Variants in STK32B observed in about 807,000 individuals in gnomAD.
STK32B encodes the protein serine/threonine kinase 32B.
Under a neutral mutation model 52.6 loss-of-function variants are expected in STK32B, and 43 were observed. The ratio of observed to expected loss-of-function variants is 0.82; its 90% CI spans 0.64 to 1.05. The LOEUF is 1.05. Ranked by LOEUF, STK32B falls within the 50% of genes least tolerant of loss-of-function variation. STK32B has a pLI of 0.00. For synonymous variants in STK32B, 238 were observed against 204.3 expected (o/e 1.17, Z -1.41); for missense variants, 621 against 534.6 (o/e 1.16, Z -1.59).
chr4:5,189,060 AGAG>A lies in STK32B; in HGVS notation c.260+20614_260+20616del, dbSNP rs1011496010. 3.9e-5 allele frequency among the ~76,000 whole-genome samples: 6 copies of A among 152,156 alleles called. No homozygotes were observed. In the East Asian group the frequency reaches 7.7e-4, roughly 20 times the overall value. ...GATGTAAAAGTTCACAGCAAAATTA[AGAG>A]GAGATTTCCCATGCACCTGCTGCCC... On this transcript the variant is annotated intron_variant, in intron 3 of 11. Coordinates refer to ENST00000282908, the MANE Select transcript of STK32B (RefSeq NM_018401.3).
At chr4:5,393,918 A>G (rs115228503) in intron 4 of STK32B, among the ~76,000 whole-genome samples, 1,845 of 152,246 alleles carry the variant, frequency 0.012, 22 homozygotes, top group South Asian at 0.057. Context: ...TTGCATGCAT[A>G]TGGATAGCAT....
At chr4:5,384,677 C>T (rs533120327) in intron 4 of STK32B, among the ~76,000 whole-genome samples, 15 of 152,192 alleles carry the variant, frequency 9.9e-5, no homozygotes, top group Admixed American at 8.5e-4. Context: ...TGTGGGAAGG[C>T]GTGACTTCAG....
At chr4:5,113,445 C>A (rs77944109) in intron 1 of STK32B, among the ~76,000 whole-genome samples, 1,769 of 152,272 alleles carry the variant, frequency 0.012, 50 homozygotes, top group African/African-American at 0.04. Context: ...GCACACAAAG[C>A]TTCTTGCTGA....
intron 3 of STK32B, among the ~76,000 whole-genome samples, chr4:5,299,581 T>A (rs1358586570): frequency 6.6e-6 from 1 of 152,214 alleles, no homozygotes; most frequent in Non-Finnish European, 1.5e-5. Context: ...GTTGTAGGTA[T>A]GTGGCTTTAT....
intron 2 of STK32B, among the ~76,000 whole-genome samples, chr4:5,157,807 C>A (rs538724853): frequency 6.6e-6 from 1 of 152,286 alleles, no homozygotes; most frequent in Non-Finnish European, 1.5e-5. Flanking sequence ...TCTGGCCCAG[C>A]CACATGACTC....
At position 5,230,480 on chromosome 4, in the gene STK32B, G is replaced by A. The variant is rs144423009; in HGVS notation, c.260+62030G>A. ...GCTGGCATTACAGATGTGAGCCACC[G>A]CACCCGGCCACATTCCACTTTTACA... On this transcript the variant is annotated intron_variant, in intron 3 of 11. Coordinates refer to ENST00000282908, the MANE Select transcript of STK32B (RefSeq NM_018401.3). Among the ~76,000 whole-genome samples, 566 of 152,066 alleles carry A rather than the reference G, an allele frequency of 3.7e-3. 3 individuals carry two copies. Among genetic ancestry groups the A allele is most frequent in the African/African-American group, 0.013 (528 of 41,480 alleles).
chr4:5,047,078 G>A (rs1741634440), upstream of STK32B, among the ~76,000 whole-genome samples: 1 of 152,104 alleles, frequency 6.6e-6, no homozygotes, highest in Admixed American at 6.5e-5. Context: ...GCAAAATTGT[G>A]GAACCAACCC....
intron 3 of STK32B, among the ~76,000 whole-genome samples, chr4:5,194,485 G>T (rs1721487975): frequency 6.6e-6 from 1 of 152,150 alleles, no homozygotes; most frequent in Admixed American, 6.5e-5. Flanking sequence ...CCCTTTGCAT[G>T]GGTGATATAT....
At chr4:5,291,734 A>C (rs1214274572) in intron 3 of STK32B, among the ~76,000 whole-genome samples, 1 of 152,066 alleles carries the variant, frequency 6.6e-6, no homozygotes, top group Non-Finnish European at 1.5e-5. Flanking sequence ...CCTGATCTTA[A>C]GGGGAAAGCA....
At chr4:5,340,318 C>A (rs1732990032) in intron 4 of STK32B, among the ~76,000 whole-genome samples, 1 of 152,152 alleles carries the variant, frequency 6.6e-6, no homozygotes, top group African/African-American at 2.4e-5. Context: ...GGGAGTGGGG[C>A]AGGGGCCGAG....
intron 2 of STK32B, among the ~76,000 whole-genome samples, chr4:5,142,659 G>A (rs927311130): frequency 5.3e-5 from 8 of 152,204 alleles, no homozygotes; most frequent in African/African-American, 1.9e-4. Context: ...CTTGGAACTT[G>A]TTGAGGGCAG....
chr4:5,412,531 A>G (rs1177147699), intron 5 of STK32B, among the ~76,000 whole-genome samples: 1 of 152,150 alleles, frequency 6.6e-6, no homozygotes, highest in African/African-American at 2.4e-5. Flanking sequence ...AGGTAACGAG[A>G]TCAGGACTGT....
At chr4:5,042,857 A>T in the STK32B span, among the ~76,000 whole-genome samples, 1 of 152,134 alleles carries the variant, frequency 6.6e-6, no homozygotes, top group Admixed American at 6.5e-5. Context: ...CTGTAATCCC[A>T]GCACTTTGGG....
Position 5,279,336 on chromosome 4 carries a change from C to T in STK32B, c.261-51884C>T, listed in dbSNP as rs534017394. Among the ~76,000 whole-genome samples, 9 of 152,288 alleles carry T rather than the reference C, an allele frequency of 5.9e-5. No homozygotes were observed. The East Asian group carries it at 1.2e-3, about 20-fold the overall frequency. ...CTACAGGCCCCAAGCCAGTTTGAAA[C>T]CCAGTAAGGCAGTCATTAAATTTTA... On this transcript the variant is annotated intron_variant, in intron 3 of 11. Coordinates refer to ENST00000282908, the MANE Select transcript of STK32B (RefSeq NM_018401.3).
At chr4:5,374,010 G>A (rs1203195999) in intron 4 of STK32B, among the ~76,000 whole-genome samples, 1 of 152,096 alleles carries the variant, frequency 6.6e-6, no homozygotes, top group Non-Finnish European at 1.5e-5. Flanking sequence ...CTGGATTACA[G>A]TGAGCCCTAA....
chr4:5,175,094 G>T (rs189625931), intron 3 of STK32B, among the ~76,000 whole-genome samples: 1 of 152,158 alleles, frequency 6.6e-6, no homozygotes, highest in Admixed American at 6.5e-5. Flanking sequence ...TGATTGCAAC[G>T]GTTACTGAGG....
chr4:5,251,952 T>C (rs1725963262), intron 3 of STK32B, among the ~76,000 whole-genome samples: 1 of 152,292 alleles, frequency 6.6e-6, no homozygotes, highest in Admixed American at 6.5e-5. Flanking sequence ...TAGAACAATG[T>C]CCATGAAAGC....
chr4:5,360,627 G>C (rs1734483419), intron 4 of STK32B, among the ~76,000 whole-genome samples: 1 of 152,118 alleles, frequency 6.6e-6, no homozygotes, highest in South Asian at 2.1e-4. Flanking sequence ...AAGCTGGAAA[G>C]CTGGAATAAA....
intron 3 of STK32B, among the ~76,000 whole-genome samples, chr4:5,280,875 G>A (rs1289847472): frequency 6.6e-6 from 1 of 152,046 alleles, no homozygotes; most frequent in Non-Finnish European, 1.5e-5. Context: ...CTCCAGCCTG[G>A]GAGACAGAGT....
Sources: gnomAD v4.1 joint callset for allele counts (sites outside exome capture counted in the v4.1 genomes callset) on GRCh38, gnomAD v4.1.1 for gene constraint, MANE v1.5 for transcripts, NCBI Gene and HGNC (gene_info 2026-07-23, HGNC 2026-07-21) for gene names.